Variants in SNX27 observed in about 807,000 individuals in gnomAD.
SNX27 encodes sorting nexin 27, also known as sorting nexin-27.
In SNX27, 22 loss-of-function variants were observed where a neutral mutation model predicts 71.6. The observed-to-expected ratio is 0.31, with a 90% CI of 0.22 to 0.44. The LOEUF is 0.44. Among genes scored for constraint, SNX27 ranks in the 20% least tolerant of loss-of-function variants. The pLI is 1.00. For synonymous variants in SNX27, 269 were observed against 277.2 expected, an observed-to-expected ratio of 0.97 and a Z score of 0.29; for missense variants, 531 against 698.6, an observed-to-expected ratio of 0.76 and a Z score of 2.70.
At chr1:151,643,630 G>A (rs1668889000) in intron 2 of SNX27, among the ~76,000 whole-genome samples, 1 of 151,722 alleles carries the variant, frequency 6.6e-6, no homozygotes, top group African/African-American at 2.4e-5. Flanking sequence ...TATACCATAC[G>A]TTCACCTAAA....
Position 151,692,415 on chromosome 1 carries a change from T to C in SNX27, c.1240-20T>C. 7.3e-7 allele frequency: 1 copy of C among 1,377,504 alleles called. No homozygotes were observed. The highest frequency in any genetic ancestry group is 1.5e-5 in the African/African-American group (1 of 64,558). The allele number at this position is 1,377,504 out of a possible 1,614,324, so 85.3% of individuals were successfully genotyped here. A position where few individuals can be genotyped will look rare whatever the true frequency, so the allele number is the denominator to read the frequency against. ...TTCCTGTTTCTCCTTCCTTTTTTTT[T>C]TTTTTTTTTTTTTTTTTAGTACCTC... On this transcript the variant is annotated intron_variant, in intron 8 of 11. Coordinates refer to ENST00000458013, the MANE Select transcript of SNX27 (RefSeq NM_001330723.2).
At chr1:151,665,721 G>A (rs1472050206) in intron 5 of SNX27, among the ~76,000 whole-genome samples, 1 of 152,122 alleles carries the variant, frequency 6.6e-6, no homozygotes, top group Non-Finnish European at 1.5e-5. Context: ...AGATACAGGT[G>A]TTTTTTCCCT....
chr1:151,683,284 C>CT (rs1671049098), intron 7 of SNX27, 72 bp from the exon 8 acceptor site: 2 of 1,237,540 alleles, frequency 1.6e-6, no homozygotes, highest in African/African-American at 3.0e-5. Context: ...GCGTCTGTGT[C>CT]TGTTTTCATC....
At chr1:151,625,870 C>T (rs1041199359) in intron 1 of SNX27, among the ~76,000 whole-genome samples, 4 of 151,644 alleles carry the variant, frequency 2.6e-5, no homozygotes, top group Non-Finnish European at 4.4e-5. Flanking sequence ...ATTGCTTGAG[C>T]CTGGGAGGCA....
chr1:151,685,882 A>T (rs781157960), intron 8 of SNX27, among the ~76,000 whole-genome samples: 1 of 152,210 alleles, frequency 6.6e-6, no homozygotes, highest in Non-Finnish European at 1.5e-5. Context: ...AAAATGCAAA[A>T]TCTTTTAAAT....
intron 3 of SNX27, 192 bp from the exon 4 acceptor site, chr1:151,660,606 G>T: frequency 1.8e-6 from 1 of 555,074 alleles, no homozygotes; most frequent in East Asian, 3.0e-5. Flanking sequence ...TCTTTGTTCT[G>T]ATCATATTTA....
chr1:151,670,954 C>T (rs1395460491), intron 7 of SNX27, among the ~76,000 whole-genome samples: 1 of 152,064 alleles, frequency 6.6e-6, no homozygotes, highest in African/African-American at 2.4e-5. Context: ...TTTGATGTGA[C>T]TTTTGTATAT....
intron 2 of SNX27, among the ~76,000 whole-genome samples, chr1:151,657,793 G>C (rs1669764917): frequency 6.6e-6 from 1 of 152,162 alleles, no homozygotes; most frequent in Non-Finnish European, 1.5e-5. Flanking sequence ...CTGAGGTCAA[G>C]AGGTCGAGAC....
At chr1:151,669,646 T>A (rs1670371619) in intron 7 of SNX27, among the ~76,000 whole-genome samples, 1 of 152,202 alleles carries the variant, frequency 6.6e-6, no homozygotes. Context: ...ATCTCCTGTT[T>A]CCAGTGTGAG....
At chr1:151,664,838 TC>T (rs1670117673) in intron 5 of SNX27, among the ~76,000 whole-genome samples, 1 of 152,208 alleles carries the variant, frequency 6.6e-6, no homozygotes. Context: ...TTTCCAGTGT[TC>T]CTCTAGCAAG....
Position 151,612,812 on chromosome 1 carries a change from C to T in SNX27, c.311+300C>T, listed in dbSNP as rs1178145251. ...GCTCTTCTCCGCCCCTTTGCCTTCC[C>T]GTTTGGCGTGCTGCATTCTGCTCCT... On this transcript the variant is annotated intron_variant, in intron 1 of 11. Transcript: ENST00000458013. The surrounding 1 kb of genome is among the most constrained non-coding windows in gnomAD (Gnocchi z 5.2). Among the ~76,000 whole-genome samples the T allele has an allele frequency of 6.6e-6, 1 of 152,134 alleles. No homozygotes were observed. The highest frequency in any genetic ancestry group is 6.5e-5 in the Admixed American group (1 of 15,270).
At chr1:151,678,471 A>G (rs1189812304) in intron 7 of SNX27, 3 of 152,284 alleles carry the variant, frequency 2.0e-5, no homozygotes, top group East Asian at 3.9e-4. Flanking sequence ...AATATGTTGT[A>G]TGTATATCCC....
At position 151,682,622 on chromosome 1, in the gene SNX27, T is replaced by G. The variant is rs114539998; in HGVS notation, c.1150-734T>G. 7.3e-3 allele frequency among the ~76,000 whole-genome samples: 1,110 copies of G among 152,298 alleles called. 4 individuals are homozygous for G. The highest frequency in any genetic ancestry group is 0.012 in the Non-Finnish European group (824 of 68,006). On this transcript the variant is annotated intron_variant, in intron 7 of 11. Coordinates refer to ENST00000458013, the MANE Select transcript of SNX27 (RefSeq NM_001330723.2). ...AGTTTAATTGACTCACAGTTTCGCA[T>G]GGCTTGGGAAAGCCTCAGGAAACTT...
chr1:151,622,534 C>T (rs1175048269), intron 1 of SNX27, among the ~76,000 whole-genome samples: 2 of 152,098 alleles, frequency 1.3e-5, no homozygotes, highest in South Asian at 2.1e-4. Context: ...ATTGATAAAA[C>T]AAGTATATTT....
chr1:151,642,095 G>T (rs112014518), intron 2 of SNX27, among the ~76,000 whole-genome samples: 1 of 151,140 alleles, frequency 6.6e-6, no homozygotes, highest in Non-Finnish European at 1.5e-5. Flanking sequence ...TAAGCCAGGC[G>T]CAGTGGTTCA....
chr1:151,656,830 C>T (rs1159699976), intron 2 of SNX27, among the ~76,000 whole-genome samples: 1 of 151,992 alleles, frequency 6.6e-6, no homozygotes, highest in African/African-American at 2.4e-5. Context: ...TGTGATGAAA[C>T]TATAGTATAA....
intron 5 of SNX27, among the ~76,000 whole-genome samples, chr1:151,663,297 C>T (rs540099769): frequency 1.3e-5 from 2 of 151,652 alleles, no homozygotes. Context: ...ACTACAGGCG[C>T]CCACCACCAC....
chr1:151,661,542 A>G (rs1268315128), intron 4 of SNX27: 3 of 152,246 alleles, frequency 2.0e-5, no homozygotes, highest in African/African-American at 7.2e-5. Flanking sequence ...AAAAATTACA[A>G]GGTCAAAAAT....
intron 1 of SNX27, chr1:151,615,541 T>C: frequency 4.3e-6 from 1 of 231,522 alleles, no homozygotes; most frequent in Non-Finnish European, 7.1e-6. Context: ...TCCTTAGAGC[T>C]TTTGTCTGTC....
Sources: gnomAD v4.1 joint callset for allele counts (sites outside exome capture counted in the v4.1 genomes callset) on GRCh38, gnomAD v4.1.1 for gene constraint, Gnocchi (gnomAD v3.1) non-coding constraint, MANE v1.5 for transcripts, NCBI Gene and HGNC (gene_info 2026-07-23, HGNC 2026-07-21) for gene names.